Variants in AKAP13 observed in about 807,000 individuals in gnomAD.
AKAP13 encodes the protein A-kinase anchor protein 13.
AKAP13 carries 80 observed loss-of-function variants against 264.5 expected under a neutral mutation model. That is an observed-to-expected ratio of 0.30 (90% CI 0.25 to 0.36). The LOEUF (loss-of-function observed/expected upper bound fraction) is 0.36. AKAP13 is among the 10% of genes least tolerant of loss of function. The pLI, the probability that AKAP13 is intolerant of heterozygous loss-of-function variation, is 1.00. For synonymous variants in AKAP13, 1,380 were observed against 1,250.2 expected, an observed-to-expected ratio of 1.10 and a Z score of -2.19; for missense variants, 3,712 against 3,435.2, an observed-to-expected ratio of 1.08 and a Z score of -2.01.
chr15:85,605,261 G>T (rs747812749), intron 8 of AKAP13, among the ~76,000 whole-genome samples: 19 of 152,198 alleles, frequency 1.2e-4, no homozygotes, highest in Non-Finnish European at 2.2e-4. Flanking sequence ...GGGAACAATT[G>T]TAGAACATTC....
chr15:85,399,548 A>AAATAAATAAAT (rs1567038773), intron 1 of AKAP13, among the ~76,000 whole-genome samples: 10 of 142,592 alleles, frequency 7.0e-5, no homozygotes, highest in Non-Finnish European at 9.3e-5. Flanking sequence ...ATAAATAAAT[A>AAATAAATAAAT]AATAAATAAA....
intron 5 of AKAP13, among the ~76,000 whole-genome samples, chr15:85,567,941 G>GGTAGGTGTGTGTGTGTGT (rs1555445388): frequency 7.1e-6 from 1 of 141,828 alleles, no homozygotes. Context: ...AGCCCAAAGA[G>GGTAGGTGTGTGTGTGTGT]GTGTGTGTGT....
chr15:85,685,759 T>C (rs1355158267), intron 16 of AKAP13, among the ~76,000 whole-genome samples: 1 of 152,188 alleles, frequency 6.6e-6, no homozygotes, highest in African/African-American at 2.4e-5. Flanking sequence ...TCCGAAGCCC[T>C]GGGTGTGATC....
At chr15:85,613,182 T>A (rs975318023) in intron 8 of AKAP13, among the ~76,000 whole-genome samples, 2 of 152,232 alleles carry the variant, frequency 1.3e-5, no homozygotes, top group African/African-American at 4.8e-5. Context: ...TAAATGGTTA[T>A]CAAACAGTAC....
chr15:85,513,619 T>A (rs1232269689), intron 2 of AKAP13, among the ~76,000 whole-genome samples: 1 of 152,222 alleles, frequency 6.6e-6, no homozygotes, highest in East Asian at 1.9e-4. Context: ...GTTACATGTA[T>A]CCTGGCTGTT....
intron 31 of AKAP13, 26 bp downstream of exon 31, chr15:85,735,176 T>A (rs1420073292): frequency 6.2e-7 from 1 of 1,607,670 alleles, no homozygotes; most frequent in South Asian, 1.1e-5. Flanking sequence ...TCATGAGCTT[T>A]TATAGGCAAT....
intron 1 of AKAP13, among the ~76,000 whole-genome samples, chr15:85,399,762 A>G (rs2071335771): frequency 6.6e-6 from 1 of 151,926 alleles, no homozygotes; most frequent in Non-Finnish European, 1.5e-5. Context: ...CACTGATATC[A>G]TGTTCCTTTG....
Position 85,727,475 on chromosome 15 carries a change from C to G in AKAP13, c.7087+12C>G, listed in dbSNP as rs763848845. The stretch of plus-strand genomic sequence containing the variant: ...CCGAGAATTAAAAGGTGAGGCATTG[C>G]GAGTGGTCTGAGCCCCTTGTCTGGA... On this transcript the variant is annotated intron_variant, in intron 29 of 36. Transcript: ENST00000394518. The surrounding 1 kb of genome is among the most constrained non-coding windows in gnomAD (Gnocchi z 5.3). The G allele has an allele frequency of 2.5e-6, 4 of 1,613,502 alleles. No homozygotes were observed. The highest frequency in any genetic ancestry group is 2.7e-5 in the African/African-American group (2 of 74,894).
intron 8 of AKAP13, among the ~76,000 whole-genome samples, chr15:85,632,295 G>A (rs2081873382): frequency 6.6e-6 from 1 of 152,198 alleles, no homozygotes; most frequent in African/African-American, 2.4e-5. Context: ...GGTCCAGGTT[G>A]ATGCTGTGTC....
intron 8 of AKAP13, among the ~76,000 whole-genome samples, chr15:85,599,314 A>G (rs1425946177): frequency 6.6e-6 from 1 of 152,240 alleles, no homozygotes; most frequent in Non-Finnish European, 1.5e-5. Flanking sequence ...CATATAATAT[A>G]ATGTGGACAA....
At chr15:85,544,960 G>T (rs959790655) in intron 5 of AKAP13, among the ~76,000 whole-genome samples, 18 of 152,198 alleles carry the variant, frequency 1.2e-4, no homozygotes, top group African/African-American at 4.3e-4. Flanking sequence ...AGAGACCTCA[G>T]AATGTAGTGC....
At chr15:85,490,096 T>G (rs1039742864) in intron 2 of AKAP13, among the ~76,000 whole-genome samples, 1 of 152,252 alleles carries the variant, frequency 6.6e-6, no homozygotes, top group African/African-American at 2.4e-5. Context: ...CAGTTCCATT[T>G]AGTGGTAGTG....
intron 1 of AKAP13, among the ~76,000 whole-genome samples, chr15:85,434,806 C>T (rs1451425577): frequency 4.0e-5 from 6 of 149,572 alleles, no homozygotes; most frequent in African/African-American, 9.7e-5. Context: ...ACATCCACAC[C>T]GAAAACCCAT....
chr15:85,509,100 G>A (rs1478271027), intron 2 of AKAP13, among the ~76,000 whole-genome samples: 1 of 152,128 alleles, frequency 6.6e-6, no homozygotes. Context: ...TTTCATGTTT[G>A]AGGCCTAGTT....
chr15:85,540,126 G>T (rs140134713), intron 4 of AKAP13, among the ~76,000 whole-genome samples: 5 of 152,246 alleles, frequency 3.3e-5, no homozygotes, highest in African/African-American at 1.2e-4. Context: ...TCCAAAATTT[G>T]TAGGGCAGGA....
intron 1 of AKAP13, among the ~76,000 whole-genome samples, chr15:85,405,247 T>G (rs560567543): frequency 2.8e-4 from 43 of 152,344 alleles, no homozygotes; most frequent in African/African-American, 9.6e-4. Context: ...TGGTTTCTCT[T>G]CGTATGGTGT....
At chr15:85,687,164 T>C (rs147574969) in intron 16 of AKAP13, among the ~76,000 whole-genome samples, 35 of 152,318 alleles carry the variant, frequency 2.3e-4, no homozygotes, top group African/African-American at 7.9e-4. Flanking sequence ...GCCCTCAGCC[T>C]AGCCTCCTTA....
intron 17 of AKAP13, among the ~76,000 whole-genome samples, chr15:85,696,053 A>G (rs953266680): frequency 1.4e-4 from 21 of 152,226 alleles, no homozygotes; most frequent in African/African-American, 4.8e-4. Context: ...CATACATAAC[A>G]TAAAAATTAC....
chr15:85,633,368 C>G (rs77910254), intron 8 of AKAP13, among the ~76,000 whole-genome samples: 185 of 146,548 alleles, frequency 1.3e-3, no homozygotes, highest in Non-Finnish European at 1.8e-3. Flanking sequence ...ATAATAGGGG[C>G]GGGGGGGGAG....
Sources: gnomAD v4.1 joint callset for allele counts (sites outside exome capture counted in the v4.1 genomes callset) on GRCh38, gnomAD v4.1.1 for gene constraint, Gnocchi (gnomAD v3.1) non-coding constraint, MANE v1.5 for transcripts, NCBI Gene and HGNC (gene_info 2026-07-23, HGNC 2026-07-21) for gene names.